Variants in TRIM37 observed in about 807,000 individuals in gnomAD.
The protein encoded by TRIM37 is tripartite motif containing 37, also known as E3 ubiquitin-protein ligase TRIM37.
TRIM37 carries 80 observed loss-of-function variants against 129.8 expected under a neutral mutation model. The ratio of observed to expected loss-of-function variants is 0.62; its 90% CI spans 0.51 to 0.74. TRIM37 has a LOEUF of 0.74. Among genes scored for constraint, TRIM37 ranks in the 30% least tolerant of loss-of-function variants. The pLI, the probability that TRIM37 is intolerant of heterozygous loss-of-function variation, is 0.00. For synonymous variants in TRIM37, 389 were observed against 387.1 expected (o/e 1.00, Z -0.06); for missense variants, 1,054 against 1,176.5 (o/e 0.90, Z 1.52).
At position 59,106,749 on chromosome 17, in the gene TRIM37, A is replaced by G. The variant is rs927106590; in HGVS notation, c.-288T>C. The stretch of plus-strand genomic sequence containing the variant: ...GCCGCCGGCCAGCAGCCGCGCCGGA[A>G]CCTCGGCCCACGTGACGCGGGCGCG... On this transcript the variant is annotated 5_prime_UTR_variant, in exon 1 of 24. Coordinates refer to ENST00000262294, the MANE Select transcript of TRIM37 (RefSeq NM_015294.6). 1.2e-5 allele frequency: 7 copies of G among 565,154 alleles called. No individual in the cohort carries two copies. In the African/African-American group the frequency reaches 1.4e-4, roughly 11 times the overall value. 35.0% of individuals were successfully genotyped at this position (565,154 alleles called of 1,614,324 possible). A position where few individuals can be genotyped will look rare whatever the true frequency, so the allele number is the denominator to read the frequency against.
the TRIM37 span, chr17:58,972,218 G>T: frequency 6.2e-7 from 1 of 1,614,142 alleles, no homozygotes; most frequent in Non-Finnish European, 8.5e-7. Context: ...CCCAGGTTAT[G>T]CTTGTGAGAA....
Position 59,084,062 on chromosome 17 carries a change from A to G in TRIM37, c.309T>C (p.Ser103=), listed in dbSNP as rs559087236. The change falls in exon 5 of 24, where the codon AGT becomes AGC. Residue 103 remains serine, a synonymous_variant. Coordinates refer to ENST00000262294, the MANE Select transcript of TRIM37 (RefSeq NM_015294.6). ...ACTTCTTACAAGTCCAGCAAAATAC[A>G]CTAAGTTTTTCATGGTGATTTTCAC... The part of the protein sequence containing the change: ...DKCENHHEKL[S]VFCWTCKKCI... 9 of 1,613,654 alleles carry G rather than the reference A, an allele frequency of 5.6e-6. No homozygotes were observed. In the African/African-American group the frequency reaches 9.3e-5, roughly 17 times the overall value.
rs774482623 is a variant in TRIM37 at position 59,106,504 on chromosome 17, C to A, written c.-43G>T. On this transcript the variant is annotated 5_prime_UTR_variant, in exon 1 of 24. Transcript: ENST00000262294. ...GGGGCCGCTGGCGACCCGCAGGCTC[C>A]GCAGTCTGACCTCTTAGGCGCCGGC... 6.2e-7 allele frequency: 1 copy of A among 1,612,464 alleles called. No individual in the cohort carries two copies. Among genetic ancestry groups the A allele is most frequent in the Non-Finnish European group, 8.5e-7 (1 of 1,179,364 alleles).
At chr17:59,088,835 A>AT (rs1253822808) in intron 3 of TRIM37, among the ~76,000 whole-genome samples, 1 of 152,162 alleles carries the variant, frequency 6.6e-6, no homozygotes, top group African/African-American at 2.4e-5. Context: ...AAAATAAAAA[A>AT]TAAAAAAAAA....
chr17:59,097,553 A>G (rs2045021504), intron 2 of TRIM37, among the ~76,000 whole-genome samples: 2 of 148,072 alleles, frequency 1.4e-5, no homozygotes, highest in South Asian at 4.3e-4. Context: ...ATGCTTAGGG[A>G]AAAAAAAAAC....
rs941751799 is a variant in TRIM37 at position 58,988,298 on chromosome 17, C to T, written c.2892-5377G>A. On this transcript the variant is annotated intron_variant, in intron 24 of 24. Coordinates refer to the TRIM37 transcript ENST00000393066. ...TACTGTAAAGAGCCCTAAGAAGTGT[C>T]GGCTGTGACACACACCCAGGGGAGT... Among the ~76,000 whole-genome samples, 7 of 152,094 alleles carry T rather than the reference C, an allele frequency of 4.6e-5. No individual in the cohort carries two copies. The East Asian group carries it at 1.3e-3, about 29-fold the overall frequency.
At position 59,049,381 on chromosome 17, in the gene TRIM37, C is replaced by T. The variant is rs777792731; in HGVS notation, c.1327G>A (p.Glu443Lys). ...INNLKERLTI[E>K]LSRTQKSRDL... The stretch of plus-strand genomic sequence containing the variant: ...CTTGACTTCTGAGTTCGAGACAGCT[C>T]AATAGTAAGTCTCTTTTAAAACAAG... The change falls in exon 15 of 24, where the codon GAG (glutamate) becomes AAG (lysine). Residue 443 changes from glutamate to lysine, a missense_variant. Coordinates refer to ENST00000262294, the MANE Select transcript of TRIM37 (RefSeq NM_015294.6). 2 of 1,613,758 alleles carry T rather than the reference C, an allele frequency of 1.2e-6. No individual in the cohort carries two copies. Among genetic ancestry groups the T allele is most frequent in the South Asian group, 2.2e-5 (2 of 91,048 alleles).
chr17:59,084,946 A>G (rs1425567794), intron 4 of TRIM37, among the ~76,000 whole-genome samples: 1 of 152,228 alleles, frequency 6.6e-6, no homozygotes, highest in African/African-American at 2.4e-5. Flanking sequence ...ATAAATTTCT[A>G]TTGTTTAAGC....
In TRIM37 at chr17:59,101,655, C is replaced by CA. The variant is rs763661189; in HGVS notation, c.123+2637dup. Among the ~76,000 whole-genome samples, 319 of 58,716 alleles carry CA rather than the reference C, an allele frequency of 5.4e-3. 19 individuals are homozygous for CA. The highest frequency in any genetic ancestry group is 0.011 in the African/African-American group (188 of 17,522). 38.5% of individuals were successfully genotyped at this position (58,716 alleles called of 152,430 possible). A position where few individuals can be genotyped will look rare whatever the true frequency, so the allele number is the denominator to read the frequency against. On this transcript the variant is annotated intron_variant, in intron 2 of 23. Transcript: ENST00000262294. ...GCAACATAGTGAAACCCCATCTCTA[C>CA]AAAAAAAAAAAAAAAAAAAAAAATA...
intron 2 of TRIM37, among the ~76,000 whole-genome samples, chr17:59,094,121 T>C (rs559562998): frequency 5.9e-5 from 9 of 152,286 alleles, no homozygotes; most frequent in African/African-American, 2.2e-4. Context: ...TCTCCAACTC[T>C]GACCTCAAGT....
At chr17:59,099,996 T>A (rs527654864) in intron 2 of TRIM37, among the ~76,000 whole-genome samples, 11 of 152,022 alleles carry the variant, frequency 7.2e-5, no homozygotes, top group African/African-American at 2.4e-4. Context: ...AGAGACAGAG[T>A]TCTCCATGTT....
At chr17:58,986,347 C>T (rs1416424017) in intron 24 of TRIM37, among the ~76,000 whole-genome samples, 11 of 150,400 alleles carry the variant, frequency 7.3e-5, no homozygotes, top group African/African-American at 1.7e-4. Context: ...TACAGGCGCC[C>T]GCCACCACAC....
intron 16 of TRIM37, among the ~76,000 whole-genome samples, chr17:59,043,882 CAG>C (rs1278018977): frequency 5.3e-5 from 8 of 152,214 alleles, no homozygotes; most frequent in Admixed American, 3.3e-4. Flanking sequence ...TGGGGAGAAG[CAG>C]AGACACATAC....
chr17:58,997,215 C>G (rs753394523), downstream of TRIM37, among the ~76,000 whole-genome samples: 35 of 152,234 alleles, frequency 2.3e-4, no homozygotes, highest in Non-Finnish European at 4.4e-4. Context: ...TTATGTAAGG[C>G]ATTAACAAAA....
chr17:58,972,308 T>C, the TRIM37 span: 2 of 1,584,718 alleles, frequency 1.3e-6, no homozygotes, highest in Non-Finnish European at 1.7e-6. Flanking sequence ...GAGCCCATGC[T>C]CTAGTTATTA....
intron 2 of TRIM37, among the ~76,000 whole-genome samples, chr17:59,096,948 T>C (rs1005142220): frequency 6.6e-6 from 1 of 152,186 alleles, no homozygotes; most frequent in Admixed American, 6.6e-5. Context: ...GTGGGATTTA[T>C]TCCTAGAATA....
At chr17:59,046,570 A>ACT (rs77067962) in intron 16 of TRIM37, among the ~76,000 whole-genome samples, 99,386 of 148,200 alleles carry the variant, frequency 0.67, 34,004 homozygotes, top group African/African-American at 0.79. Context: ...CAGAGTCTCA[A>ACT]CTGTCGCCCA....
intron 2 of TRIM37, among the ~76,000 whole-genome samples, chr17:59,096,842 G>A (rs1448281255): frequency 6.6e-6 from 1 of 152,094 alleles, no homozygotes; most frequent in Non-Finnish European, 1.5e-5. Flanking sequence ...GGGAGTTTAA[G>A]ATATTTACTA....
intron 16 of TRIM37, among the ~76,000 whole-genome samples, chr17:59,046,822 G>A (rs558285889): frequency 1.1e-3 from 167 of 150,618 alleles, no homozygotes; most frequent in Non-Finnish European, 2.2e-3. Context: ...TTACAGGCGT[G>A]AGCCACCGTG....
Sources: gnomAD v4.1 joint callset for allele counts (sites outside exome capture counted in the v4.1 genomes callset) on GRCh38, gnomAD v4.1.1 for gene constraint, MANE v1.5 for transcripts, NCBI Gene and HGNC (gene_info 2026-07-23, HGNC 2026-07-21) for gene names.